The following LRRC4C variants were observed in gnomAD, a reference collection of about 807,000 sequenced individuals.
LRRC4C encodes the protein leucine rich repeat containing 4C.
In LRRC4C, 5 loss-of-function variants were observed where a neutral mutation model predicts 33.6. The observed-to-expected ratio is 0.15, with a 90% CI of 0.08 to 0.31. LRRC4C has a LOEUF of 0.31. LRRC4C is among the 10% of genes least tolerant of loss of function. The pLI, the probability that LRRC4C is intolerant of heterozygous loss-of-function variation, is 1.00. For missense variants in LRRC4C, 560 were observed against 796.7 expected, an observed-to-expected ratio of 0.70 and a Z score of 3.58; for synonymous variants, 329 against 302.0, an observed-to-expected ratio of 1.09 and a Z score of -0.93.
At chr11:40,886,979 T>TAC (rs1415770336) in intron 2 of LRRC4C, among the ~76,000 whole-genome samples, 2 of 148,666 alleles carry the variant, frequency 1.3e-5, no homozygotes, top group Non-Finnish European at 3.0e-5. Flanking sequence ...CATATATATA[T>TAC]ATACGTGTAT....
At chr11:40,960,039 G>A (rs1850869190) in intron 1 of LRRC4C, among the ~76,000 whole-genome samples, 1 of 148,230 alleles carries the variant, frequency 6.7e-6, no homozygotes, top group Admixed American at 6.8e-5. Flanking sequence ...TCAAATCAAA[G>A]AAAGAACTAA....
At chr11:40,838,518 T>A (rs1038689859) in intron 2 of LRRC4C, among the ~76,000 whole-genome samples, 12 of 152,168 alleles carry the variant, frequency 7.9e-5, no homozygotes, top group Admixed American at 7.9e-4. Context: ...GCAAACTAGC[T>A]TGCCAATGAA....
chr11:41,003,898 G>A (rs774853792), intron 1 of LRRC4C, among the ~76,000 whole-genome samples: 3 of 152,014 alleles, frequency 2.0e-5, no homozygotes, highest in Non-Finnish European at 4.4e-5. Flanking sequence ...GAATAAAGCT[G>A]AGCAGAATCC....
intron 1 of LRRC4C, among the ~76,000 whole-genome samples, chr11:41,235,365 A>G (rs1270573232): frequency 1.3e-5 from 2 of 152,062 alleles, no homozygotes; most frequent in Non-Finnish European, 2.9e-5. Flanking sequence ...GATCTATATT[A>G]TATTCAGGTC....
chr11:40,312,796 A>G (rs1275737957), intron 4 of LRRC4C, among the ~76,000 whole-genome samples: 1 of 152,206 alleles, frequency 6.6e-6, no homozygotes, highest in East Asian at 1.9e-4. Context: ...CTGGATGAAA[A>G]TGTAGTCAGC....
chr11:40,610,833 T>C (rs4366471), intron 3 of LRRC4C, among the ~76,000 whole-genome samples: 68,621 of 151,552 alleles, frequency 0.45, 16,700 homozygotes, highest in Middle Eastern at 0.59. Flanking sequence ...AAAAGACTTG[T>C]ACACTGAAAT....
At chr11:41,198,611 T>C (rs1946279221) in intron 1 of LRRC4C, among the ~76,000 whole-genome samples, 1 of 112,072 alleles carries the variant, frequency 8.9e-6, no homozygotes, top group Non-Finnish European at 2.1e-5. Flanking sequence ...GAACAAGAAA[T>C]ATAGAGGGGA....
At chr11:40,584,685 AC>A (rs997076679) in intron 3 of LRRC4C, among the ~76,000 whole-genome samples, 4 of 152,040 alleles carry the variant, frequency 2.6e-5, no homozygotes, top group African/African-American at 9.7e-5. Flanking sequence ...TAATCCCAGA[AC>A]TTTTGGAGGC....
At chr11:41,319,127 A>T (rs1226688398) in intron 1 of LRRC4C, among the ~76,000 whole-genome samples, 1 of 152,162 alleles carries the variant, frequency 6.6e-6, no homozygotes, top group Non-Finnish European at 1.5e-5. Context: ...AATGACTTCC[A>T]TGAGAACCTA....
intron 1 of LRRC4C, among the ~76,000 whole-genome samples, chr11:41,304,939 G>C (rs1591213782): frequency 8.5e-6 from 1 of 118,330 alleles, no homozygotes; most frequent in African/African-American, 3.1e-5. Flanking sequence ...CCCACCTGCT[G>C]GGCCAGCCGC....
intron 1 of LRRC4C, among the ~76,000 whole-genome samples, chr11:41,451,331 C>T (rs1361873264): frequency 6.6e-6 from 1 of 151,830 alleles, no homozygotes; most frequent in Non-Finnish European, 1.5e-5. Context: ...ACTAAACACC[C>T]CCACCCACAT....
intron 1 of LRRC4C, among the ~76,000 whole-genome samples, chr11:41,199,324 A>G (rs1946310610): frequency 6.6e-6 from 1 of 152,104 alleles, no homozygotes; most frequent in African/African-American, 2.4e-5. Context: ...AGCTCCAAGC[A>G]TCCCATCCTC....
intron 3 of LRRC4C, among the ~76,000 whole-genome samples, chr11:40,388,024 T>G (rs559176967): frequency 2.0e-4 from 31 of 152,136 alleles, no homozygotes; most frequent in Non-Finnish European, 4.1e-4. Context: ...ATATTTTTTA[T>G]CCCCTAATAA....
At chr11:40,313,183 G>C (rs146517917) in intron 4 of LRRC4C, among the ~76,000 whole-genome samples, 52 of 152,034 alleles carry the variant, frequency 3.4e-4, no homozygotes, top group African/African-American at 1.3e-3. Flanking sequence ...GTTTATGTTA[G>C]TTTTTACTCC....
chr11:40,993,460 C>T (rs1450291553), intron 1 of LRRC4C, among the ~76,000 whole-genome samples: 4 of 151,988 alleles, frequency 2.6e-5, no homozygotes, highest in East Asian at 1.9e-4. Context: ...AAAAAACACC[C>T]GCTGAAGTCA....
At chr11:40,693,139 C>T (rs947404081) in intron 2 of LRRC4C, among the ~76,000 whole-genome samples, 7 of 152,010 alleles carry the variant, frequency 4.6e-5, no homozygotes, top group African/African-American at 1.7e-4. Context: ...TGCACACTTA[C>T]ATACATAAAA....
intron 2 of LRRC4C, among the ~76,000 whole-genome samples, chr11:40,878,212 G>A (rs1371817981): frequency 2.6e-5 from 4 of 152,080 alleles, no homozygotes; most frequent in Admixed American, 6.6e-5. Context: ...CTTAAAGCCC[G>A]CCACCAGATG....
At chr11:40,312,948 A>G (rs79231578) in intron 4 of LRRC4C, among the ~76,000 whole-genome samples, 2,728 of 152,180 alleles carry the variant, frequency 0.018, 97 homozygotes, top group African/African-American at 0.059. Context: ...ACAGGCTTGC[A>G]GAATTGCTAA....
chr11:41,258,050 T>C (rs1948859741), intron 1 of LRRC4C, among the ~76,000 whole-genome samples: 1 of 151,870 alleles, frequency 6.6e-6, no homozygotes, highest in African/African-American at 2.4e-5. Context: ...ACAAAACTTG[T>C]AGATTAGTAA....
Sources: gnomAD v4.1 joint callset for allele counts (sites outside exome capture counted in the v4.1 genomes callset) on GRCh38, gnomAD v4.1.1 for gene constraint, MANE v1.5 for transcripts, NCBI Gene and HGNC (gene_info 2026-07-23, HGNC 2026-07-21) for gene names.